The following COL4A5 variants were observed in gnomAD, a reference collection of about 807,000 sequenced individuals.
The protein encoded by COL4A5 is collagen type IV alpha 5 chain.
In COL4A5, 26 loss-of-function variants were observed where a neutral mutation model predicts 130.2. That is an observed-to-expected ratio of 0.20 (90% CI 0.15 to 0.28). COL4A5 has a LOEUF of 0.28. COL4A5 is among the 10% of genes least tolerant of loss of function. The pLI, the probability that COL4A5 is intolerant of heterozygous loss-of-function variation, is 1.00. For missense variants in COL4A5, 1,131 were observed against 1,344.3 expected, an observed-to-expected ratio of 0.84 and a Z score of 2.48; for synonymous variants, 496 against 439.6, an observed-to-expected ratio of 1.13 and a Z score of -1.60.
At chrX:108,451,597 G>A (rs1246840730) in intron 1 of COL4A5, among the ~76,000 whole-genome samples, 1 of 110,210 alleles carries the variant, frequency 9.1e-6, no homozygotes, top group African/African-American at 3.3e-5. Context: ...GATGGCCAGT[G>A]ATGATGAGCA....
rs1242579133 is a variant in COL4A5 at position 108,667,289 on chromosome X, A to G, written c.3604+106A>G. ...CTTTTACTATCATAAAATGCATGTA[A>G]GAACCCAGAAAACTCAAACCTAGTG... On this transcript the variant is annotated intron_variant, in intron 40 of 52. Transcript: ENST00000328300. 34 of 762,300 alleles carry G rather than the reference A, an allele frequency of 4.5e-5. No homozygotes were observed. The East Asian group carries it at 1.1e-3, about 25-fold the overall frequency. 62.8% of individuals were successfully genotyped at this position (762,300 alleles called of 1,213,427 possible). A position where few individuals can be genotyped will look rare whatever the true frequency, so the allele number is the denominator to read the frequency against.
At chrX:108,678,310 A>T (rs761273126) in intron 44 of COL4A5, among the ~76,000 whole-genome samples, 26 of 111,392 alleles carry the variant, frequency 2.3e-4, no homozygotes, top group African/African-American at 7.8e-4. Context: ...TAAAGTAGTG[A>T]TCCTTAAAGC....
In COL4A5 at chrX:108,452,074, A is replaced by G. The variant is rs147295974; in HGVS notation, c.81+11868A>G. ...CCAGTTTTCCCAGCACCATTTATTA[A>G]ATAGGGAATGCTTTCCCCATTGCTT... On this transcript the variant is annotated intron_variant, in intron 1 of 52. Transcript: ENST00000328300. 1.6e-3 allele frequency among the ~76,000 whole-genome samples: 180 copies of G among 112,074 alleles called. 2 individuals are homozygous for G. The highest frequency in any genetic ancestry group is 3.8e-4 in the Non-Finnish European group (20 of 53,240).
chrX:108,569,447 A>G (rs902242496), intron 6 of COL4A5, among the ~76,000 whole-genome samples: 6 of 111,573 alleles, frequency 5.4e-5, no homozygotes, highest in Non-Finnish European at 9.4e-5. Flanking sequence ...TGGATTGAAT[A>G]TAAAGTAATA....
At chrX:108,469,986 T>C in intron 1 of COL4A5, among the ~76,000 whole-genome samples, 1 of 112,485 alleles carries the variant, frequency 8.9e-6, no homozygotes, top group Middle Eastern at 4.6e-3. Context: ...TATGGCTGTG[T>C]AGTGTTCCAT....
rs2065682553 is a variant in COL4A5 at position 108,547,671 on chromosome X, T to G, written c.141+7866T>G. 2.7e-5 allele frequency among the ~76,000 whole-genome samples: 3 copies of G among 112,186 alleles called. No individual in the cohort carries two copies. The Admixed American group carries it at 2.8e-4, about 11-fold the overall frequency. On this transcript the variant is annotated intron_variant, in intron 2 of 52. Transcript: ENST00000328300. ...GGACATGTAAGTCTGCAGAGGTTTC[T>G]GCTGCCTTTTGTTCAGCTATGCCCT... is the stretch of plus-strand genomic sequence containing the variant.
chrX:108,471,533 C>G (rs1217893595), intron 1 of COL4A5, among the ~76,000 whole-genome samples: 2 of 111,463 alleles, frequency 1.8e-5, no homozygotes, highest in Non-Finnish European at 1.9e-5. Flanking sequence ...GCTCTAGGAG[C>G]CTTTTGGTGG....
chrX:108,628,677 A>C (rs926551561), intron 36 of COL4A5, among the ~76,000 whole-genome samples: 1 of 111,839 alleles, frequency 8.9e-6, no homozygotes, highest in African/African-American at 3.2e-5. Flanking sequence ...TTTGTTGCAA[A>C]TATTTTCTCC....
At chrX:108,530,275 A>T (rs898826432) in intron 1 of COL4A5, among the ~76,000 whole-genome samples, 1 of 111,807 alleles carries the variant, frequency 8.9e-6, no homozygotes, top group African/African-American at 3.3e-5. Context: ...AAATACATGG[A>T]AATTAAATAA....
At chrX:108,563,771 C>T (rs2065930543) in intron 3 of COL4A5, 111 bp from the exon 4 acceptor site, 1 of 621,796 alleles carries the variant, frequency 1.6e-6, no homozygotes. Context: ...AAGTTTTTCA[C>T]TAACTTTCAC....
chrX:108,632,333 A>G (rs2067276439), intron 36 of COL4A5, among the ~76,000 whole-genome samples: 1 of 110,674 alleles, frequency 9.0e-6, no homozygotes, highest in Admixed American at 9.6e-5. Flanking sequence ...TTGAGGCAAT[A>G]ATTAATAGCC....
chrX:108,544,787 G>T (rs1226482531), intron 2 of COL4A5, among the ~76,000 whole-genome samples: 1 of 111,138 alleles, frequency 9.0e-6, no homozygotes, highest in Admixed American at 9.6e-5. Flanking sequence ...CAATTTCAGA[G>T]CCTGTTATTG....
intron 36 of COL4A5, among the ~76,000 whole-genome samples, chrX:108,632,977 C>T (rs749187348): frequency 1.1e-4 from 12 of 111,201 alleles, no homozygotes; most frequent in Non-Finnish European, 2.1e-4. Flanking sequence ...AAGTTCTGGC[C>T]AGGGCAATCA....
intron 2 of COL4A5, among the ~76,000 whole-genome samples, chrX:108,551,565 T>A (rs2065753094): frequency 8.9e-6 from 1 of 112,363 alleles, no homozygotes. Context: ...TCTTACACAT[T>A]GTTGGTGTAA....
rs776844707 is a variant in COL4A5 at position 108,575,862 on chromosome X, G to C, written c.547-48G>C. ...AAAAAAAGAAAAAATACAATAAGGG[G>C]CTTGTTTTTCTTTTTTTTCATCATT... On this transcript the variant is annotated intron_variant, in intron 9 of 52. Coordinates refer to ENST00000328300, the MANE Select transcript of COL4A5 (RefSeq NM_033380.3). 7 of 895,505 alleles carry C rather than the reference G, an allele frequency of 7.8e-6. No homozygotes were observed. The Admixed American group carries it at 1.7e-4, about 22-fold the overall frequency. The allele number at this position is 895,505 out of a possible 1,213,427, so 73.8% of individuals were successfully genotyped here.
chrX:108,597,351 T>A, intron 23 of COL4A5, 26 bp from the exon 24 acceptor site: 1 of 1,185,765 alleles, frequency 8.4e-7, no homozygotes, highest in Non-Finnish European at 1.1e-6. Context: ...TCCACTCTTT[T>A]TTCTTTTTTT....
In COL4A5 at chrX:108,539,927, G is replaced by A. The variant is rs1327249412; in HGVS notation, c.141+122G>A. Reference sequence around the variant, plus strand: ...TTAAGTAAGTGAAATGAATCCTATTGCATTGCTTATTTTAGAGAGCTTATA... The same window carrying A: ...TTAAGTAAGTGAAATGAATCCTATTACATTGCTTATTTTAGAGAGCTTATA... On this transcript the variant is annotated intron_variant, in intron 2 of 52. Transcript: ENST00000328300. The A allele has an allele frequency of 1.6e-5, 9 of 564,248 alleles. No individual in the cohort carries two copies. In the Admixed American group the frequency reaches 2.1e-4, roughly 13 times the overall value. The allele number at this position is 564,248 out of a possible 1,213,427, so 46.5% of individuals were successfully genotyped here. A position where few individuals can be genotyped will look rare whatever the true frequency, so the allele number is the denominator to read the frequency against.
intron 36 of COL4A5, among the ~76,000 whole-genome samples, chrX:108,653,853 G>T (rs1229217957): frequency 8.1e-5 from 9 of 111,706 alleles, no homozygotes; most frequent in Non-Finnish European, 1.9e-5. Context: ...AAATTTAATT[G>T]TATACCTATT....
intron 2 of COL4A5, among the ~76,000 whole-genome samples, chrX:108,544,549 G>C (rs774900941): frequency 5.7e-4 from 63 of 110,911 alleles, no homozygotes; most frequent in Non-Finnish European, 1.1e-3. Flanking sequence ...ATGTTCATCA[G>C]GGATATTGGT....
Sources: allele counts gnomAD v4.1 joint callset (sites outside exome capture counted in the v4.1 genomes callset), GRCh38; gene constraint gnomAD v4.1.1; transcripts MANE v1.5; gene names NCBI Gene and HGNC (gene_info 2026-07-23, HGNC 2026-07-21).